CNTLN: variants seen among roughly 807,000 people sequenced by gnomAD.
CNTLN encodes the protein centlein.
A neutral mutation model predicts 180.0 loss-of-function variants in CNTLN; 212 were observed. The observed-to-expected ratio is 1.18, with a 90% CI of 1.05 to 1.32. CNTLN has a LOEUF of 1.32. CNTLN is among the 40% of genes most tolerant of loss of function. The pLI is 0.00. For synonymous variants in CNTLN, 722 were observed against 563.1 expected, an observed-to-expected ratio of 1.28 and a Z score of -3.99; for missense variants, 2,095 against 1,610.9, an observed-to-expected ratio of 1.30 and a Z score of -5.14.
intron 13 of CNTLN, among the ~76,000 whole-genome samples, chr9:17,384,036 G>A (rs1825483132): frequency 6.6e-6 from 1 of 152,084 alleles, no homozygotes; most frequent in Admixed American, 6.5e-5. Flanking sequence ...AAAATATAAT[G>A]AAGCACTTGG....
intron 21 of CNTLN, among the ~76,000 whole-genome samples, chr9:17,465,490 AT>A (rs1297239568): frequency 6.7e-6 from 1 of 150,176 alleles, no homozygotes. Context: ...CTGAAAAACT[AT>A]TTTTTCTGTT....
intron 2 of CNTLN, among the ~76,000 whole-genome samples, chr9:17,179,101 G>A (rs1247454705): frequency 3.3e-5 from 5 of 150,212 alleles, no homozygotes; most frequent in Non-Finnish European, 5.9e-5. Flanking sequence ...AAAATTAGCC[G>A]GGCGTAGTGG....
At chr9:17,426,157 A>G (rs1196491838) in intron 18 of CNTLN, among the ~76,000 whole-genome samples, 1 of 152,198 alleles carries the variant, frequency 6.6e-6, no homozygotes, top group Non-Finnish European at 1.5e-5. Flanking sequence ...ACAATGAAGG[A>G]AAGCTGTCAA....
chr9:17,295,043 G>C (rs78437632), intron 6 of CNTLN, among the ~76,000 whole-genome samples: 10 of 151,766 alleles, frequency 6.6e-5, no homozygotes, highest in Admixed American at 6.6e-4. Flanking sequence ...ACTGCTGGGG[G>C]ACCTGGTGCA....
At chr9:17,469,110 A>G (rs964670998) in intron 23 of CNTLN, among the ~76,000 whole-genome samples, 3 of 151,664 alleles carry the variant, frequency 2.0e-5, no homozygotes, top group African/African-American at 4.8e-5. Flanking sequence ...TTGGGCCCCA[A>G]ATCTATTGAA....
At chr9:17,420,731 C>G (rs1261970586) in intron 18 of CNTLN, among the ~76,000 whole-genome samples, 3 of 151,862 alleles carry the variant, frequency 2.0e-5, no homozygotes, top group Non-Finnish European at 2.9e-5. Context: ...TTGCTGTGTT[C>G]CATAGGTCTT....
At position 17,286,054 on chromosome 9, in the gene CNTLN, G is replaced by C. The variant is rs1361911809; in HGVS notation, c.984-12136G>C. On this transcript the variant is annotated intron_variant, in intron 6 of 25. Coordinates refer to ENST00000380647, the MANE Select transcript of CNTLN (RefSeq NM_017738.4). Reference sequence around the variant, plus strand: ...TTTGTCTTTTGTTGCCATTGCTTTTGGTGTTTTGGACGTGAAGTCCTTGCC... The same window carrying C: ...TTTGTCTTTTGTTGCCATTGCTTTTCGTGTTTTGGACGTGAAGTCCTTGCC... Among the ~76,000 whole-genome samples, 2 of 93,708 alleles carry C rather than the reference G, an allele frequency of 2.1e-5. 1 individual carries two copies. The highest frequency in any genetic ancestry group is 3.9e-5 in the Non-Finnish European group (2 of 50,956). 61.5% of individuals were successfully genotyped at this position (93,708 alleles called of 152,430 possible).
chr9:17,294,106 C>T (rs1391275683), intron 6 of CNTLN, among the ~76,000 whole-genome samples: 2 of 152,138 alleles, frequency 1.3e-5, no homozygotes, highest in Non-Finnish European at 2.9e-5. Context: ...CGTGGTCTCG[C>T]TGGCTTCAGG....
chr9:17,221,082 G>A (rs1824103272), intron 2 of CNTLN, among the ~76,000 whole-genome samples: 1 of 152,010 alleles, frequency 6.6e-6, no homozygotes, highest in South Asian at 2.1e-4. Context: ...TTGTCCCTGG[G>A]TAAATCCTAT....
intron 10 of CNTLN, among the ~76,000 whole-genome samples, chr9:17,335,440 C>G (rs1820948700): frequency 6.6e-6 from 1 of 152,096 alleles, no homozygotes; most frequent in African/African-American, 2.4e-5. Context: ...TTGCTTGAAC[C>G]TAGAAGGCAG....
At chr9:17,176,401 TA>T (rs1178273267) in intron 2 of CNTLN, among the ~76,000 whole-genome samples, 3 of 152,202 alleles carry the variant, frequency 2.0e-5, no homozygotes, top group Non-Finnish European at 4.4e-5. Context: ...TACATGGATT[TA>T]TTTTTGAATA....
intron 6 of CNTLN, among the ~76,000 whole-genome samples, chr9:17,290,418 C>A (rs1281851985): frequency 6.7e-6 from 1 of 149,218 alleles, no homozygotes; most frequent in African/African-American, 2.5e-5. Context: ...TCAAAGCTGT[C>A]AGACAGGGAC....
intron 12 of CNTLN, among the ~76,000 whole-genome samples, chr9:17,353,597 CG>C (rs1192551061): frequency 3.5e-5 from 4 of 113,528 alleles, no homozygotes; most frequent in African/African-American, 6.3e-5. Flanking sequence ...GTTTTGTTTT[CG>C]TTTTTTTTTT....
the CNTLN span, among the ~76,000 whole-genome samples, chr9:17,520,823 A>G: frequency 6.6e-6 from 1 of 152,192 alleles, no homozygotes; most frequent in African/African-American, 2.4e-5. Context: ...CTCTAATGCT[A>G]GTGGTCAGGG....
At chr9:17,205,653 TG>T (rs1822866271) in intron 2 of CNTLN, among the ~76,000 whole-genome samples, 1 of 152,192 alleles carries the variant, frequency 6.6e-6, no homozygotes, top group African/African-American at 2.4e-5. Context: ...ATTTGTCACT[TG>T]TATACCAACT....
At chr9:17,196,133 C>T (rs1464663047) in intron 2 of CNTLN, among the ~76,000 whole-genome samples, 2 of 152,128 alleles carry the variant, frequency 1.3e-5, no homozygotes, top group Admixed American at 6.5e-5. Context: ...AAGCAGTTCT[C>T]CTGGCTCAGC....
At chr9:17,160,570 A>G (rs1819610861) in intron 2 of CNTLN, among the ~76,000 whole-genome samples, 1 of 152,136 alleles carries the variant, frequency 6.6e-6, no homozygotes, top group South Asian at 2.1e-4. Context: ...TGTGTCCTTA[A>G]CTTTCAAATC....
chr9:17,192,341 C>T (rs560526059), intron 2 of CNTLN, among the ~76,000 whole-genome samples: 6 of 150,952 alleles, frequency 4.0e-5, no homozygotes, highest in East Asian at 2.0e-4. Flanking sequence ...CGGGTTCAAG[C>T]GATTCACCTG....
chr9:17,197,599 A>G (rs1215696304), intron 2 of CNTLN, among the ~76,000 whole-genome samples: 1 of 152,108 alleles, frequency 6.6e-6, no homozygotes, highest in African/African-American at 2.4e-5. Flanking sequence ...ATTTTTTCCT[A>G]TACAGTTGTT....
Sources: gnomAD v4.1 joint callset for allele counts (sites outside exome capture counted in the v4.1 genomes callset) on GRCh38, gnomAD v4.1.1 for gene constraint, MANE v1.5 for transcripts, NCBI Gene and HGNC (gene_info 2026-07-23, HGNC 2026-07-21) for gene names.